Variants in HDAC4 observed in about 807,000 individuals in gnomAD.
HDAC4 encodes histone deacetylase A.
Under a neutral mutation model 135.1 loss-of-function variants are expected in HDAC4, and 16 were observed. That is an observed-to-expected ratio of 0.12 (90% CI 0.08 to 0.18). The LOEUF is 0.18. HDAC4 is among the 10% of genes least tolerant of loss of function. The probability of loss-of-function intolerance (pLI) is 1.00; values close to 1 mark genes in which losing one functional copy is unlikely to be tolerated. For missense variants in HDAC4, 1,143 were observed against 1,511.8 expected, an observed-to-expected ratio of 0.76 and a Z score of 4.05; for synonymous variants, 685 against 653.4, an observed-to-expected ratio of 1.05 and a Z score of -0.74.
At chr2:239,123,126 C>T (rs1038717726) in intron 12 of HDAC4, among the ~76,000 whole-genome samples, 4 of 152,234 alleles carry the variant, frequency 2.6e-5, no homozygotes, top group Non-Finnish European at 4.4e-5. Flanking sequence ...CAAGAGTATA[C>T]GGCATGTGAA....
intron 1 of HDAC4, among the ~76,000 whole-genome samples, chr2:239,383,370 A>G (rs1322330428): frequency 1.3e-5 from 2 of 152,202 alleles, no homozygotes; most frequent in Non-Finnish European, 2.9e-5. Flanking sequence ...TGAGTTCAGA[A>G]TCTGAAAGAA....
intron 13 of HDAC4, among the ~76,000 whole-genome samples, chr2:239,114,652 C>T (rs1003548663): frequency 3.9e-5 from 6 of 152,208 alleles, no homozygotes; most frequent in Admixed American, 1.3e-4. Context: ...CACAAAAGGT[C>T]TTGACTTCTG....
intron 17 of HDAC4, chr2:239,094,808 C>A: frequency 6.9e-7 from 1 of 1,449,612 alleles, no homozygotes; most frequent in South Asian, 1.4e-5. Flanking sequence ...GCCAGACAAC[C>A]TTCCCCAGAG....
At chr2:239,256,231 T>C (rs1202886778) in intron 2 of HDAC4, among the ~76,000 whole-genome samples, 3 of 152,218 alleles carry the variant, frequency 2.0e-5, no homozygotes, top group Admixed American at 6.5e-5. Flanking sequence ...GGGCTCCTTC[T>C]AGGAGGCTTC....
intron 2 of HDAC4, among the ~76,000 whole-genome samples, chr2:239,351,384 G>A (rs1213826194): frequency 1.3e-5 from 2 of 152,162 alleles, no homozygotes; most frequent in Non-Finnish European, 2.9e-5. Context: ...ACAGGGCCCT[G>A]CCTATAGAAT....
intron 22 of HDAC4, among the ~76,000 whole-genome samples, chr2:239,075,610 G>A (rs779664325): frequency 4.6e-5 from 7 of 152,210 alleles, no homozygotes; most frequent in African/African-American, 1.2e-4. Context: ...GGGAGAGAGC[G>A]GCTTCTCCTC....
chr2:239,391,071 C>T (rs995793248), intron 1 of HDAC4, among the ~76,000 whole-genome samples: 2 of 152,202 alleles, frequency 1.3e-5, no homozygotes, highest in African/African-American at 2.4e-5. Context: ...CCAGGGGCCT[C>T]GGCTCGGCCT....
intron 2 of HDAC4, among the ~76,000 whole-genome samples, chr2:239,317,408 A>T (rs1203593711): frequency 6.6e-6 from 1 of 152,010 alleles, no homozygotes; most frequent in Non-Finnish European, 1.5e-5. Flanking sequence ...CGAGAAAGGA[A>T]CCAGGCCGCC....
At chr2:239,225,696 G>A (rs554021165) in intron 3 of HDAC4, among the ~76,000 whole-genome samples, 9 of 151,712 alleles carry the variant, frequency 5.9e-5, no homozygotes, top group South Asian at 4.2e-4. Flanking sequence ...TTCCTCAGGC[G>A]CCTGACTAAA....
intron 2 of HDAC4, among the ~76,000 whole-genome samples, chr2:239,251,736 A>G (rs1312650530): frequency 6.6e-6 from 1 of 152,098 alleles, no homozygotes; most frequent in Non-Finnish European, 1.5e-5. Context: ...ATTCAATGGT[A>G]CAAATGTACA....
chr2:239,051,559 A>G lies in HDAC4; in HGVS notation c.*1538T>C, dbSNP rs1267232695. The G allele has an allele frequency of 2.6e-5, 4 of 152,662 alleles. No individual in the cohort carries two copies. The highest frequency in any genetic ancestry group is 9.6e-5 in the African/African-American group (4 of 41,468). 9.5% of individuals were successfully genotyped at this position (152,662 alleles called of 1,614,324 possible). A position where few individuals can be genotyped will look rare whatever the true frequency, so the allele number is the denominator to read the frequency against. ...TCAGGATCTTTTTGTGAAAAAATTC[A>G]TACAAAAATCAACAGCAAATTTATA... On this transcript the variant is annotated 3_prime_UTR_variant, in exon 27 of 27. Transcript: ENST00000543185.
intron 1 of HDAC4, among the ~76,000 whole-genome samples, chr2:239,391,636 G>T (rs1035195483): frequency 1.3e-5 from 2 of 152,224 alleles, no homozygotes; most frequent in Non-Finnish European, 2.9e-5. Flanking sequence ...GTGAAGCTGG[G>T]ATCTCAACCG....
At chr2:239,274,652 C>T (rs1170277476) in intron 2 of HDAC4, among the ~76,000 whole-genome samples, 1 of 152,214 alleles carries the variant, frequency 6.6e-6, no homozygotes, top group Non-Finnish European at 1.5e-5. Context: ...GCTGGGGGGC[C>T]CTGGGAACCC....
In HDAC4 at chr2:239,115,879, C is replaced by T. The variant is rs1304682564; in HGVS notation, c.1534-569G>A. 6.6e-6 allele frequency among the ~76,000 whole-genome samples: 1 copy of T among 151,888 alleles called. No individual in the cohort carries two copies. The highest frequency in any genetic ancestry group is 1.5e-5 in the Non-Finnish European group (1 of 67,952). ...CCAGGACCTCCCTTCCTGCTGAATC[C>T]CAGGGATGCCACGGCCTCCCCTTCT... On this transcript the variant is annotated intron_variant, in intron 12 of 26. Coordinates refer to ENST00000543185, the MANE Select transcript of HDAC4 (RefSeq NM_001378414.1). This position sits in a 1 kb window ranked among gnomAD's most constrained non-coding sequence, Gnocchi z 6.3.
intron 22 of HDAC4, chr2:239,080,807 A>G (rs902045112): frequency 8.0e-6 from 4 of 502,870 alleles, no homozygotes; most frequent in African/African-American, 5.7e-5. Flanking sequence ...CACTCTGCAC[A>G]AAAGTCCCTG....
chr2:239,308,403 T>C lies in HDAC4; in HGVS notation c.22+44275A>G, dbSNP rs979816924. 6.6e-6 allele frequency among the ~76,000 whole-genome samples: 1 copy of C among 151,786 alleles called. No individual in the cohort carries two copies. Among genetic ancestry groups the C allele is most frequent in the African/African-American group, 2.4e-5 (1 of 41,234 alleles). ...ACACTTCCATGAGGCTGTAATCAAC[T>C]TGGGAGTGAGGAGTTCCTTAGCTTC... On this transcript the variant is annotated intron_variant, in intron 2 of 26. Coordinates refer to ENST00000543185, the MANE Select transcript of HDAC4 (RefSeq NM_001378414.1). The surrounding 1 kb of genome is among the most constrained non-coding windows in gnomAD (Gnocchi z 4.2).
At chr2:239,136,613 A>G in intron 9 of HDAC4, among the ~76,000 whole-genome samples, 1 of 152,236 alleles carries the variant, frequency 6.6e-6, no homozygotes, top group East Asian at 1.9e-4. Flanking sequence ...GACCTGTGGG[A>G]AGGGGAAACA....
intron 2 of HDAC4, among the ~76,000 whole-genome samples, chr2:239,254,681 T>C (rs1293209085): frequency 6.6e-6 from 1 of 152,206 alleles, no homozygotes; most frequent in East Asian, 1.9e-4. Context: ...AACATAGACC[T>C]AGTATGAGTT....
At chr2:239,216,731 C>T (rs993309030) in intron 3 of HDAC4, among the ~76,000 whole-genome samples, 1 of 152,204 alleles carries the variant, frequency 6.6e-6, no homozygotes, top group East Asian at 1.9e-4. Context: ...CTACTTGGGC[C>T]CCTGGGAACA....
Sources: allele counts gnomAD v4.1 joint callset (sites outside exome capture counted in the v4.1 genomes callset), GRCh38; gene constraint gnomAD v4.1.1; non-coding constraint Gnocchi (gnomAD v3.1); transcripts MANE v1.5; gene names NCBI Gene and HGNC (gene_info 2026-07-23, HGNC 2026-07-21).